Variants in FCHO1 observed in about 807,000 individuals in gnomAD.
The protein encoded by FCHO1 is FCH and mu domain containing endocytic adaptor 1.
In FCHO1, 45 loss-of-function variants were observed where a neutral mutation model predicts 114.4. The ratio of observed to expected loss-of-function variants is 0.39; its 90% CI spans 0.31 to 0.50. FCHO1 has a LOEUF of 0.50. Ranked by LOEUF, FCHO1 falls within the 20% of genes least tolerant of loss-of-function variation. The pLI is 0.77. For synonymous variants in FCHO1, 480 were observed against 488.9 expected (o/e 0.98, Z 0.24); for missense variants, 1,042 against 1,209.6 (o/e 0.86, Z 2.06).
At chr19:17,778,478 G>A (rs2092935027) in intron 19 of FCHO1, 131 bp from the exon 20 acceptor site, 1 of 1,048,040 alleles carries the variant, frequency 9.5e-7, no homozygotes, top group Non-Finnish European at 1.4e-6. Context: ...GTGTAGCCTT[G>A]GGGGCGTGCA....
Position 17,762,857 on chromosome 19 carries a change from A to C in FCHO1, c.119+4A>C. On this transcript the variant is annotated splice_donor_region_variant and intron_variant, in intron 5 of 28. Coordinates refer to ENST00000596536, the MANE Select transcript of FCHO1 (RefSeq NM_015122.3). ...TGGCGGACTTCATCCGGGAGAGGTG[A>C]GGTCCCCAAGCCCCATCCACCAGAG... 2 of 1,605,328 alleles carry C rather than the reference A, an allele frequency of 1.2e-6. No individual in the cohort carries two copies. The highest frequency in any genetic ancestry group is 1.7e-6 in the Non-Finnish European group (2 of 1,172,374).
chr19:17,778,563 C>CT lies in FCHO1; in HGVS notation c.1352-45dup, dbSNP rs768011756. On this transcript the variant is annotated intron_variant, in intron 19 of 28. Transcript: ENST00000596536. Reference sequence around the variant, plus strand: ...GCCTGCAGGAGGATGGGCAGGGACTCTGAGTGGGCGAGGGTCGGAGCTGAC... The same window carrying CT: ...GCCTGCAGGAGGATGGGCAGGGACTCTTGAGTGGGCGAGGGTCGGAGCTGAC... 6.8e-5 allele frequency: 101 copies of CT among 1,483,286 alleles called. No individual in the cohort carries two copies. In the African/African-American group the frequency reaches 1.1e-3, roughly 17 times the overall value. The allele number at this position is 1,483,286 out of a possible 1,614,324, so 91.9% of individuals were successfully genotyped here. A position where few individuals can be genotyped will look rare whatever the true frequency, so the allele number is the denominator to read the frequency against.
intron 5 of FCHO1, 78 bp downstream of exon 5, chr19:17,762,931 C>A: frequency 2.0e-6 from 2 of 995,080 alleles, no homozygotes; most frequent in Non-Finnish European, 3.2e-6. Flanking sequence ...CTACGCCCTG[C>A]ATGGTCAGGG....
intron 13 of FCHO1, 110 bp downstream of exon 13, chr19:17,774,588 C>T: frequency 2.5e-6 from 2 of 815,024 alleles, no homozygotes; most frequent in Non-Finnish European, 3.9e-6. Flanking sequence ...ATCCATATTC[C>T]AGGCTGGACC....
chr19:17,756,757 G>A (rs1310485675), intron 4 of FCHO1, among the ~76,000 whole-genome samples: 1 of 152,166 alleles, frequency 6.6e-6, no homozygotes, highest in Non-Finnish European at 1.5e-5. Flanking sequence ...GTTCTTTGCT[G>A]GGTGGTGCTG....
At chr19:17,781,403 G>C in intron 21 of FCHO1, 49 bp from the exon 22 acceptor site, 1 of 1,610,920 alleles carries the variant, frequency 6.2e-7, no homozygotes, top group Non-Finnish European at 8.5e-7. Context: ...CCGCTTTTGG[G>C]CACTGGTCCT....
intron 4 of FCHO1, among the ~76,000 whole-genome samples, chr19:17,761,629 T>TATAC (rs1198923731): frequency 3.5e-5 from 3 of 85,498 alleles, no homozygotes; most frequent in Non-Finnish European, 5.1e-5. Flanking sequence ...TTTTCATGTA[T>TATAC]ATACATATAT....
At chr19:17,786,709 T>C (rs942658562) in intron 27 of FCHO1, 80 bp downstream of exon 27, 18 of 1,490,734 alleles carry the variant, frequency 1.2e-5, no homozygotes, top group East Asian at 4.8e-5. Flanking sequence ...TGGGGAAGAA[T>C]TGGGGACATA....
chr19:17,757,628 A>AAT (rs1197855001), intron 4 of FCHO1, among the ~76,000 whole-genome samples: 1 of 152,138 alleles, frequency 6.6e-6, no homozygotes, highest in African/African-American at 2.4e-5. Context: ...AAGAAGAGAA[A>AAT]ATATAGGTGG....
chr19:17,784,279 G>T lies in FCHO1; in HGVS notation c.2226+44G>T. On this transcript the variant is annotated intron_variant, in intron 25 of 28. Coordinates refer to ENST00000596536, the MANE Select transcript of FCHO1 (RefSeq NM_015122.3). The surrounding 1 kb of genome is among the most constrained non-coding windows in gnomAD (Gnocchi z 5.3). ...GCCGGGAGGAGGTGGTGGAGTGGGG[G>T]ACACGGTGAGCCGGCAGCAGACATG... 6.4e-7 allele frequency: 1 copy of T among 1,555,474 alleles called. No homozygotes were observed. The highest frequency in any genetic ancestry group is 8.7e-7 in the Non-Finnish European group (1 of 1,149,150).
At position 17,784,690 on chromosome 19, in the gene FCHO1, A is replaced by C; in HGVS notation, c.2227-35A>C. 1 of 1,603,474 alleles carries C rather than the reference A, an allele frequency of 6.2e-7. No homozygotes were observed. Among genetic ancestry groups the C allele is most frequent in the Non-Finnish European group, 8.5e-7 (1 of 1,171,190 alleles). ...TGGTGTGGCAAGACAGGATGGCCCA[A>C]GCTGTGTCCTCTCTCTCATTCTCAT... On this transcript the variant is annotated intron_variant, in intron 25 of 28. Transcript: ENST00000596536. This position sits in a 1 kb window ranked among gnomAD's most constrained non-coding sequence, Gnocchi z 5.3.
At chr19:17,755,254 G>A in intron 4 of FCHO1, 63 bp downstream of exon 4, 1 of 1,419,054 alleles carries the variant, frequency 7.0e-7, no homozygotes, top group Non-Finnish European at 9.7e-7. Flanking sequence ...TTATGGAGAT[G>A]GGAGGACTGG....
Position 17,781,443 on chromosome 19 carries a change from C to T in FCHO1, c.1741-9C>T. The T allele has an allele frequency of 6.2e-7, 1 of 1,613,976 alleles. No individual in the cohort carries two copies. The highest frequency in any genetic ancestry group is 8.5e-7 in the Non-Finnish European group (1 of 1,179,902). On this transcript the variant is annotated splice_polypyrimidine_tract_variant and intron_variant, in intron 21 of 28. Transcript: ENST00000596536. ...CACTCACAGCCAAGATTGTCTCTTT[C>T]CCTTCCAGTCTCGTTCCCTGAGCCC... is the stretch of plus-strand genomic sequence containing the variant.
At chr19:17,763,124 T>C (rs2087044782) in intron 5 of FCHO1, among the ~76,000 whole-genome samples, 2 of 151,882 alleles carry the variant, frequency 1.3e-5, no homozygotes, top group Non-Finnish European at 2.9e-5. Flanking sequence ...GGAGACAAGA[T>C]CTTGCTTTGT....
At chr19:17,750,061 G>A (rs1010957921), upstream of FCHO1, among the ~76,000 whole-genome samples, 1 of 152,194 alleles carries the variant, frequency 6.6e-6, no homozygotes, top group African/African-American at 2.4e-5. Context: ...TCTTGCCTTT[G>A]TTGCTGATGT....
Position 17,778,896 on chromosome 19 carries a change from G to T in FCHO1, c.1627+12G>T. ...CTTGGCCGGAGGAGGTGAGTCCAGC[G>T]GGCCTGGGCCTGAGAGTTGCTGGAA... On this transcript the variant is annotated intron_variant, in intron 20 of 28. Coordinates refer to ENST00000596536, the MANE Select transcript of FCHO1 (RefSeq NM_015122.3). The T allele has an allele frequency of 6.5e-7, 1 of 1,531,572 alleles. No homozygotes were observed. The highest frequency in any genetic ancestry group is 2.3e-5 in the East Asian group (1 of 43,878). 94.9% of individuals were successfully genotyped at this position (1,531,572 alleles called of 1,614,324 possible). A position where few individuals can be genotyped will look rare whatever the true frequency, so the allele number is the denominator to read the frequency against.
At position 17,776,559 on chromosome 19, in the gene FCHO1, C is replaced by T. The variant is rs1376530044; in HGVS notation, c.1208-76C>T. On this transcript the variant is annotated intron_variant, in intron 17 of 28. Coordinates refer to ENST00000596536, the MANE Select transcript of FCHO1 (RefSeq NM_015122.3). The surrounding 1 kb of genome is among the most constrained non-coding windows in gnomAD (Gnocchi z 4.4). ...CAACTGGCTGGACACCCCCGAGCCT[C>T]GGTCCCTTGGTCTGTGGAGTGGGGA... is the stretch of plus-strand genomic sequence containing the variant. 5 of 1,545,328 alleles carry T rather than the reference C, an allele frequency of 3.2e-6. No individual in the cohort carries two copies. The highest frequency in any genetic ancestry group is 2.7e-5 in the African/African-American group (2 of 73,510).
rs747467663 is a variant in FCHO1, at chr19:17,784,825, C to G, written c.2327C>G (p.Pro776Arg). ...TQVSVEYGYR[P>R]GATAVPTPLT... ...GTCTCAGTGGAGTACGGCTACCGGC[C>G]CGGTGCCACGGCTGTGCCCACACCA... The change falls in exon 26 of 29, where the codon CCC becomes CGC. Residue 776 changes from proline to arginine, a missense_variant. Coordinates refer to ENST00000596536, the MANE Select transcript of FCHO1 (RefSeq NM_015122.3). This position sits in a 1 kb window ranked among gnomAD's most constrained non-coding sequence, Gnocchi z 5.3. 5 of 1,613,958 alleles carry G rather than the reference C, an allele frequency of 3.1e-6. No individual in the cohort carries two copies. In the African/African-American group the frequency reaches 5.3e-5, roughly 17 times the overall value.
chr19:17,748,563 T>C (rs2081166719), upstream of FCHO1, among the ~76,000 whole-genome samples: 1 of 143,876 alleles, frequency 7.0e-6, no homozygotes, highest in South Asian at 2.2e-4. Context: ...CATCTGTTTC[T>C]GGGGATTAAA....
Sources: allele counts gnomAD v4.1 joint callset (sites outside exome capture counted in the v4.1 genomes callset), GRCh38; gene constraint gnomAD v4.1.1; non-coding constraint Gnocchi (gnomAD v3.1); transcripts MANE v1.5; gene names NCBI Gene and HGNC (gene_info 2026-07-23, HGNC 2026-07-21).